Variants in GGTA1 observed in about 807,000 individuals in gnomAD.
GGTA1 encodes inactive N-acetyllactosaminide alpha-1,3-galactosyltransferase.
GGTA1 carries 5 observed loss-of-function variants against 2.6 expected under a neutral mutation model. That is an observed-to-expected ratio of 1.92 (90% CI 1.00 to 4.04). GGTA1 has a LOEUF of 4.04. GGTA1 is among the 30% of genes most tolerant of loss of function. The pLI, the probability that GGTA1 is intolerant of heterozygous loss-of-function variation, is 0.00. For missense variants in GGTA1, 50 were observed against 16.7 expected (o/e 2.99, Z -3.47); for synonymous variants, 17 against 5.0 (o/e 3.38, Z -3.19).
intron 1 of GGTA1, among the ~76,000 whole-genome samples, chr9:121,497,709 G>A (rs1356733137): frequency 6.6e-6 from 1 of 152,172 alleles, no homozygotes; most frequent in East Asian, 1.9e-4. Flanking sequence ...AGTCTACTCA[G>A]TTGGGCCAGG....
chr9:121,469,772 G>A (rs954325127), intron 1 of GGTA1, among the ~76,000 whole-genome samples: 4 of 152,158 alleles, frequency 2.6e-5, no homozygotes, highest in African/African-American at 9.7e-5. Flanking sequence ...ATATACAAAT[G>A]AACCAATCCT....
chr9:121,467,259 A>G (rs757209785), intron 2 of GGTA1, among the ~76,000 whole-genome samples: 3 of 152,172 alleles, frequency 2.0e-5, no homozygotes, highest in Non-Finnish European at 4.4e-5. Flanking sequence ...TTTGGGGTGA[A>G]TCCATAGATG....
downstream of GGTA1, among the ~76,000 whole-genome samples, chr9:121,450,426 T>A (rs1441496213): frequency 6.6e-6 from 1 of 152,174 alleles, no homozygotes; most frequent in African/African-American, 2.4e-5. Context: ...GCATTGTTGC[T>A]TGAAAACAAA....
intron 1 of GGTA1, among the ~76,000 whole-genome samples, chr9:121,496,757 A>AAAAAAAAAAAG (rs1554838784): frequency 7.1e-4 from 80 of 111,954 alleles, no homozygotes; most frequent in African/African-American, 2.2e-3. Flanking sequence ...AAAAAAAAAA[A>AAAAAAAAAAAG]AGAGAGAGAG....
At chr9:121,464,519 G>T (rs2064987931) in intron 2 of GGTA1, among the ~76,000 whole-genome samples, 1 of 151,742 alleles carries the variant, frequency 6.6e-6, no homozygotes. Flanking sequence ...TAGAGACGGG[G>T]TTTCACCACG....
intron 1 of GGTA1, among the ~76,000 whole-genome samples, chr9:121,477,701 G>A (rs569569747): frequency 3.4e-5 from 5 of 147,094 alleles, no homozygotes; most frequent in East Asian, 2.1e-4. Context: ...TCAGCCACCC[G>A]AGTAGCTGGG....
intron 5 of GGTA1, 31 bp downstream of exon 5, chr9:121,460,073 G>C (rs1029901873): frequency 3.1e-5 from 14 of 456,120 alleles, no homozygotes; most frequent in Non-Finnish European, 5.7e-5. Flanking sequence ...CCATGGATTT[G>C]CTGCACAGGG....
intron 7 of GGTA1, among the ~76,000 whole-genome samples, chr9:121,449,984 C>T (rs1379895561): frequency 3.3e-5 from 5 of 152,090 alleles, no homozygotes; most frequent in Non-Finnish European, 7.4e-5. Flanking sequence ...TGGCTTAATA[C>T]AACTTGACCA....
At chr9:121,453,714 G>A (rs550264285), downstream of GGTA1, among the ~76,000 whole-genome samples, 2 of 152,336 alleles carry the variant, frequency 1.3e-5, no homozygotes, top group South Asian at 4.1e-4. Flanking sequence ...TGGTGAGGCT[G>A]TCAAGGAGAC....
intron 7 of GGTA1, among the ~76,000 whole-genome samples, chr9:121,448,251 C>A (rs1451047649): frequency 2.6e-5 from 4 of 152,160 alleles, no homozygotes; most frequent in African/African-American, 9.7e-5. Context: ...CATTCAAAAG[C>A]CCTAACATAA....
At chr9:121,480,061 C>CTTTTCTTTTCTTTTCTTT (rs58602847) in intron 1 of GGTA1, among the ~76,000 whole-genome samples, 2 of 139,828 alleles carry the variant, frequency 1.4e-5, no homozygotes, top group Non-Finnish European at 1.5e-5. Context: ...CTTTTCTTTT[C>CTTTTCTTTTCTTTTCTTT]TTTTTTTTTT....
chr9:121,482,895 G>C (rs1403790924), intron 1 of GGTA1, among the ~76,000 whole-genome samples: 1 of 152,184 alleles, frequency 6.6e-6, no homozygotes, highest in African/African-American at 2.4e-5. Flanking sequence ...AGGTTGCAGT[G>C]AGCCAAGATC....
At chr9:121,467,004 G>A (rs2065009775) in intron 2 of GGTA1, among the ~76,000 whole-genome samples, 1 of 151,508 alleles carries the variant, frequency 6.6e-6, no homozygotes, top group Non-Finnish European at 1.5e-5. Context: ...GTTAATCCAG[G>A]CTACCATCTT....
intron 1 of GGTA1, among the ~76,000 whole-genome samples, chr9:121,488,911 A>G (rs1455792941): frequency 1.3e-5 from 2 of 152,156 alleles, no homozygotes; most frequent in African/African-American, 4.8e-5. Context: ...TCTGTCTCAA[A>G]ACAAAACAAA....
chr9:121,477,807 T>C (rs1828547463), intron 1 of GGTA1, among the ~76,000 whole-genome samples: 1 of 152,052 alleles, frequency 6.6e-6, no homozygotes, highest in South Asian at 2.1e-4. Context: ...CTCGATTTCC[T>C]GACCTCGTGA....
chr9:121,476,624 C>T lies in GGTA1; in HGVS notation c.-9-8693G>A, dbSNP rs1422761098. ...TACACGGGCCCCTTGGTGTGATGAT[C>T]AAATGATAGGATTCATCAACTATCA... On this transcript the variant is annotated intron_variant, in intron 1 of 5. Coordinates refer to ENST00000481799, the MANE Select transcript of GGTA1 (RefSeq NM_001382585.1). The surrounding 1 kb of genome is among the most constrained non-coding windows in gnomAD (Gnocchi z 4.6). Among the ~76,000 whole-genome samples, 1 of 152,192 alleles carries T rather than the reference C, an allele frequency of 6.6e-6. No individual in the cohort carries two copies. Among genetic ancestry groups the T allele is most frequent in the African/African-American group, 2.4e-5 (1 of 41,440 alleles).
At chr9:121,493,395 T>G (rs1476191444) in intron 1 of GGTA1, among the ~76,000 whole-genome samples, 1 of 152,042 alleles carries the variant, frequency 6.6e-6, no homozygotes, top group Non-Finnish European at 1.5e-5. Context: ...TTCTGCTACT[T>G]AATTTTTGAG....
chr9:121,477,018 A>C (rs1486963451), intron 1 of GGTA1, among the ~76,000 whole-genome samples: 1 of 152,188 alleles, frequency 6.6e-6, no homozygotes, highest in Non-Finnish European at 1.5e-5. Context: ...AAGAAGAAGG[A>C]GATGAACTAC....
chr9:121,463,514 C>T (rs1305638945), intron 2 of GGTA1, among the ~76,000 whole-genome samples, 186 bp from the exon 3 acceptor site: 1 of 152,064 alleles, frequency 6.6e-6, no homozygotes, highest in East Asian at 1.9e-4. Context: ...ACTTCAGGAT[C>T]TCAAGGGGAA....
Sources: gnomAD v4.1 joint callset for allele counts (sites outside exome capture counted in the v4.1 genomes callset) on GRCh38, gnomAD v4.1.1 for gene constraint, Gnocchi (gnomAD v3.1) non-coding constraint, MANE v1.5 for transcripts, NCBI Gene and HGNC (gene_info 2026-07-23, HGNC 2026-07-21) for gene names.